Variants in MICALL1 observed in about 807,000 individuals in gnomAD.
MICALL1 encodes the protein MICAL-like protein 1.
A neutral mutation model predicts 83.7 loss-of-function variants in MICALL1; 61 were observed. The ratio of observed to expected loss-of-function variants is 0.73; its 90% CI spans 0.59 to 0.90. MICALL1 has a LOEUF of 0.90. Among genes scored for constraint, MICALL1 ranks in the 40% least tolerant of loss-of-function variants. MICALL1 has a pLI of 0.00. For missense variants in MICALL1, 1,066 were observed against 1,152.0 expected (o/e 0.93, Z 1.08); for synonymous variants, 481 against 473.6 (o/e 1.02, Z -0.20).
At chr22:37,938,152 G>A (rs1288085391) in intron 15 of MICALL1, among the ~76,000 whole-genome samples, 1 of 152,078 alleles carries the variant, frequency 6.6e-6, no homozygotes, top group East Asian at 1.9e-4. Flanking sequence ...GCTTCCTGGG[G>A]ACCAAGTGGT....
chr22:37,932,384 G>C lies in MICALL1; in HGVS notation c.2017-169G>C, dbSNP rs1405321522. ...ACCAGTGGCATGCAGGGTTGTGGCT[G>C]TCCCCACACTGGCCCCTTCCCCACT... On this transcript the variant is annotated intron_variant, in intron 10 of 15. Transcript: ENST00000215957. The surrounding 1 kb of genome is among the most constrained non-coding windows in gnomAD (Gnocchi z 4.4). Among the ~76,000 whole-genome samples the C allele has an allele frequency of 2.0e-5, 3 of 152,164 alleles. No individual in the cohort carries two copies. Among genetic ancestry groups the C allele is most frequent in the African/African-American group, 7.2e-5 (3 of 41,436 alleles).
At chr22:37,919,635 CAAA>C (rs34083064) in intron 5 of MICALL1, among the ~76,000 whole-genome samples, 1 of 59,698 alleles carries the variant, frequency 1.7e-5, no homozygotes. Flanking sequence ...GACTCTGTCT[CAAA>C]AAAAAAAAAA....
Position 37,906,391 on chromosome 22 carries a change from G to A in MICALL1, c.-32G>A. On this transcript the variant is annotated 5_prime_UTR_variant, in exon 1 of 16. Transcript: ENST00000215957. The surrounding 1 kb of genome is among the most constrained non-coding windows in gnomAD (Gnocchi z 4.4). ...GTCCCGGCCAAGCCGGGGCCCCGAA[G>A]CCAGAGCCGGAGCCGGGCGGGCCGC... is the stretch of plus-strand genomic sequence containing the variant. The A allele has an allele frequency of 9.3e-7, 1 of 1,080,980 alleles. No individual in the cohort carries two copies. Among genetic ancestry groups the A allele is most frequent in the Non-Finnish European group, 1.1e-6 (1 of 892,204 alleles). The allele number at this position is 1,080,980 out of a possible 1,614,324, so 67.0% of individuals were successfully genotyped here.
chr22:37,928,832 A>G (rs1929635497), intron 9 of MICALL1, among the ~76,000 whole-genome samples: 1 of 151,760 alleles, frequency 6.6e-6, no homozygotes, highest in South Asian at 2.1e-4. Context: ...TTGTATTAAA[A>G]CCCTATCCTG....
Position 37,906,470 on chromosome 22 carries a change from C to T in MICALL1, c.48C>T (p.Cys16=), listed in dbSNP as rs1295849944. ...TGCTGGCCTGGTGCCGCCGCCAGTG[C>T]GAGGGCTACCGCGGCGTGGAGATCC... ...GALLAWCRRQ[C]EGYRGVEIRD... Residue 16 remains cysteine, a synonymous_variant, in exon 1 of 16, where the codon TGC becomes TGT. Coordinates refer to ENST00000215957, the MANE Select transcript of MICALL1 (RefSeq NM_033386.4). This position sits in a 1 kb window ranked among gnomAD's most constrained non-coding sequence, Gnocchi z 4.4. The T allele has an allele frequency of 2.4e-6, 3 of 1,234,132 alleles. No homozygotes were observed. The highest frequency in any genetic ancestry group is 2.7e-5 in the South Asian group (1 of 37,422). 76.4% of individuals were successfully genotyped at this position (1,234,132 alleles called of 1,614,324 possible).
intron 4 of MICALL1, 64 bp from the exon 5 acceptor site, chr22:37,918,972 G>A (rs1928847621): frequency 1.4e-6 from 2 of 1,465,788 alleles, no homozygotes; most frequent in Admixed American, 2.2e-5. Flanking sequence ...AGAGGGCAGT[G>A]ATGTGAACAG....
intron 4 of MICALL1, among the ~76,000 whole-genome samples, chr22:37,918,316 G>A (rs529910202): frequency 2.0e-5 from 3 of 152,194 alleles, no homozygotes; most frequent in Admixed American, 6.5e-5. Context: ...GGAAGTGGGG[G>A]CCAACTGCCA....
chr22:37,940,410 G>T (rs1390684659), intron 15 of MICALL1, among the ~76,000 whole-genome samples: 2 of 151,832 alleles, frequency 1.3e-5, no homozygotes, highest in African/African-American at 4.8e-5. Flanking sequence ...GCGACAAAGC[G>T]ACTCAGTCTC....
At chr22:37,921,939 G>A (rs769846944) in intron 5 of MICALL1, 33 bp from the exon 6 acceptor site, 6 of 1,515,246 alleles carry the variant, frequency 4.0e-6, no homozygotes, top group Non-Finnish European at 5.3e-6. Flanking sequence ...CCAGCTGCCT[G>A]GCTAAGTGAA....
chr22:37,937,892 C>A, intron 15 of MICALL1, 100 bp downstream of exon 15: 1 of 1,469,432 alleles, frequency 6.8e-7, no homozygotes, highest in Non-Finnish European at 9.4e-7. Context: ...GTGGGCACTA[C>A]CAGGATGGCT....
intron 13 of MICALL1, among the ~76,000 whole-genome samples, chr22:37,935,266 A>T (rs1376493721): frequency 7.2e-6 from 1 of 139,560 alleles, no homozygotes; most frequent in Non-Finnish European, 1.5e-5. Flanking sequence ...ATTTTATTTT[A>T]TTTTATTTTT....
At chr22:37,936,021 G>T (rs1438522625) in intron 13 of MICALL1, among the ~76,000 whole-genome samples, 1 of 152,158 alleles carries the variant, frequency 6.6e-6, no homozygotes, top group East Asian at 1.9e-4. Context: ...GAGCCACCGG[G>T]CCCGGCCTAG....
chr22:37,936,952 G>A (rs1930161271), intron 13 of MICALL1, 128 bp from the exon 14 acceptor site: 1 of 690,702 alleles, frequency 1.4e-6, no homozygotes, highest in Non-Finnish European at 2.4e-6. Flanking sequence ...CTTCCTTTCT[G>A]CGCTTAGTTT....
Position 37,922,276 on chromosome 22 carries a change from G to A in MICALL1, c.874G>A (p.Glu292Lys). The change falls in exon 6 of 16, where the codon GAG becomes AAG. Residue 292 changes from glutamate (E) to lysine (K), a missense_variant. Transcript: ENST00000215957. The stretch of plus-strand genomic sequence containing the variant: ...GCCCCGGGTTCCTGGCAAACTACAG[G>A]AGCTGGCCAGCCCCCCTGCGGGCCG... ...TKPRVPGKLQ[E>K]LASPPAGRPT... 2 of 1,572,924 alleles carry A rather than the reference G, an allele frequency of 1.3e-6. No homozygotes were observed. Among genetic ancestry groups the A allele is most frequent in the Non-Finnish European group, 1.7e-6 (2 of 1,159,898 alleles).
intron 6 of MICALL1, among the ~76,000 whole-genome samples, chr22:37,922,914 A>G (rs2145913856): frequency 6.8e-6 from 1 of 147,158 alleles, no homozygotes; most frequent in South Asian, 2.1e-4. Context: ...CTGGGATTAC[A>G]GGCGTGAGCC....
At chr22:37,919,635 CAAAAAAAAA>C (rs34083064) in intron 5 of MICALL1, among the ~76,000 whole-genome samples, 1 of 59,706 alleles carries the variant, frequency 1.7e-5, no homozygotes, top group African/African-American at 6.9e-5. Context: ...GACTCTGTCT[CAAAAAAAAA>C]AAAAAAAAAA....
chr22:37,921,123 A>G (rs1929006071), intron 5 of MICALL1, among the ~76,000 whole-genome samples: 1 of 152,200 alleles, frequency 6.6e-6, no homozygotes, highest in Admixed American at 6.5e-5. Flanking sequence ...ACTCCTAGTA[A>G]AAAATACACT....
At chr22:37,935,118 G>C (rs555782714) in intron 13 of MICALL1, among the ~76,000 whole-genome samples, 31 of 147,336 alleles carry the variant, frequency 2.1e-4, no homozygotes, top group African/African-American at 7.5e-4. Flanking sequence ...ATTTTTAGTA[G>C]AGACGGGGTT....
At chr22:37,922,808 T>TTTG (rs1929174670) in intron 6 of MICALL1, among the ~76,000 whole-genome samples, 1 of 141,294 alleles carries the variant, frequency 7.1e-6, no homozygotes, top group African/African-American at 2.6e-5. Context: ...TTTTTTTTTT[T>TTTG]TTTTTTTTTA....
Sources: gnomAD v4.1 joint callset for allele counts (sites outside exome capture counted in the v4.1 genomes callset) on GRCh38, gnomAD v4.1.1 for gene constraint, Gnocchi (gnomAD v3.1) non-coding constraint, MANE v1.5 for transcripts, NCBI Gene and HGNC (gene_info 2026-07-23, HGNC 2026-07-21) for gene names.